The following SUCLG2 variants were observed in gnomAD, a reference collection of about 807,000 sequenced individuals.
SUCLG2 encodes succinate-CoA ligase GDP-forming subunit beta, also known as succinate--CoA ligase [GDP-forming] subunit beta, mitochondrial.
Under a neutral mutation model 47.9 loss-of-function variants are expected in SUCLG2, and 42 were observed. That is an observed-to-expected ratio of 0.88 (90% CI 0.69 to 1.14). The LOEUF is 1.14. SUCLG2 is among the 50% of genes most tolerant of loss of function. The pLI, the probability that SUCLG2 is intolerant of heterozygous loss-of-function variation, is 0.00. For missense variants in SUCLG2, 571 were observed against 525.9 expected, an observed-to-expected ratio of 1.09 and a Z score of -0.84; for synonymous variants, 195 against 197.3, an observed-to-expected ratio of 0.99 and a Z score of 0.10.
intron 2 of SUCLG2, among the ~76,000 whole-genome samples, chr3:67,606,619 C>T (rs1481778006): frequency 6.6e-6 from 1 of 152,186 alleles, no homozygotes; most frequent in African/African-American, 2.4e-5. Context: ...TATCAAAGTT[C>T]ACTGAGGAGC....
Position 67,542,759 on chromosome 3 carries a change from A to G in SUCLG2, c.227-13573T>C, listed in dbSNP as rs139677964. 4.2e-3 allele frequency among the ~76,000 whole-genome samples: 647 copies of G among 152,330 alleles called. 5 individuals are homozygous for G. The highest frequency in any genetic ancestry group is 0.014 in the African/African-American group (583 of 41,572). On this transcript the variant is annotated intron_variant, in intron 2 of 10. Coordinates refer to ENST00000307227, the MANE Select transcript of SUCLG2 (RefSeq NM_003848.4). ...ACATAATGATAAAGGGACCAATGCAACAAGAAGAGCTAACCATCCTCAATA... is the reference window on the plus strand; with the variant it reads ...ACATAATGATAAAGGGACCAATGCAGCAAGAAGAGCTAACCATCCTCAATA...
At chr3:67,483,809 C>T (rs528610802) in intron 9 of SUCLG2, among the ~76,000 whole-genome samples, 2 of 152,198 alleles carry the variant, frequency 1.3e-5, no homozygotes, top group South Asian at 4.2e-4. Context: ...TGGAGAACAC[C>T]CCCCTACCTA....
chr3:67,367,370 G>A (rs1337536706), intron 10 of SUCLG2, among the ~76,000 whole-genome samples: 2 of 152,078 alleles, frequency 1.3e-5, no homozygotes, highest in Non-Finnish European at 2.9e-5. Flanking sequence ...TTGTAAATTA[G>A]TTCAAGATCT....
At chr3:67,572,083 T>C (rs184438118) in intron 2 of SUCLG2, among the ~76,000 whole-genome samples, 2 of 152,356 alleles carry the variant, frequency 1.3e-5, no homozygotes, top group East Asian at 3.9e-4. Context: ...CTCCTTCCTT[T>C]ATGATCATCT....
intron 6 of SUCLG2, among the ~76,000 whole-genome samples, chr3:67,513,656 C>A (rs555894276): frequency 1.6e-3 from 248 of 152,304 alleles, no homozygotes; most frequent in African/African-American, 5.5e-3. Context: ...AAAATAAGCA[C>A]AGGTCAAAGA....
intron 2 of SUCLG2, among the ~76,000 whole-genome samples, chr3:67,573,776 C>T (rs1172989178): frequency 2.0e-5 from 3 of 152,066 alleles, no homozygotes; most frequent in Admixed American, 6.5e-5. Flanking sequence ...CCTTGTTTCC[C>T]CCTTTTTTTT....
At chr3:67,483,065 A>T (rs1704958371) in intron 9 of SUCLG2, among the ~76,000 whole-genome samples, 1 of 152,178 alleles carries the variant, frequency 6.6e-6, no homozygotes. Context: ...GTGTGTTTGC[A>T]GTGCTCCATT....
At chr3:67,439,775 G>GAATCAATATCGTCAAAATGGCC (rs1305112940) in intron 9 of SUCLG2, among the ~76,000 whole-genome samples, 2 of 152,164 alleles carry the variant, frequency 1.3e-5, no homozygotes, top group Non-Finnish European at 2.9e-5. Context: ...TGAATAGGAA[G>GAATCAATATCGTCAAAATGGCC]AATCAATATC....
intron 1 of SUCLG2, among the ~76,000 whole-genome samples, chr3:67,644,197 A>G (rs1701152447): frequency 6.6e-6 from 1 of 152,220 alleles, no homozygotes; most frequent in African/African-American, 2.4e-5. Flanking sequence ...TCATAGCAGC[A>G]TTATTCACAT....
rs191719782 is a variant in SUCLG2, at chr3:67,429,867, T to A, written c.1063-29016A>T. Among the ~76,000 whole-genome samples, 174 of 152,216 alleles carry A rather than the reference T, an allele frequency of 1.1e-3. 1 individual carries two copies. The highest frequency in any genetic ancestry group is 1.9e-3 in the Non-Finnish European group (130 of 68,016). On this transcript the variant is annotated intron_variant, in intron 9 of 10. Coordinates refer to ENST00000307227, the MANE Select transcript of SUCLG2 (RefSeq NM_003848.4). The stretch of plus-strand genomic sequence containing the variant: ...AGAGACAAAGAAGGCCATTATATAA[T>A]GGTAAAGGGATCAATTCAACAAGAA...
chr3:67,370,143 C>A (rs916515252), downstream of SUCLG2, among the ~76,000 whole-genome samples: 1 of 152,026 alleles, frequency 6.6e-6, no homozygotes, highest in Non-Finnish European at 1.5e-5. Flanking sequence ...TGGGTCCATA[C>A]AAATTATGTA....
intron 9 of SUCLG2, among the ~76,000 whole-genome samples, chr3:67,456,186 G>C (rs1704181588): frequency 6.6e-6 from 1 of 152,086 alleles, no homozygotes; most frequent in Non-Finnish European, 1.5e-5. Flanking sequence ...GATTCAGCCT[G>C]GCCTTCCTCC....
chr3:67,631,772 G>A (rs1448304141), intron 1 of SUCLG2, among the ~76,000 whole-genome samples: 1 of 152,214 alleles, frequency 6.6e-6, no homozygotes, highest in Non-Finnish European at 1.5e-5. Context: ...ATGAGACTAT[G>A]ATGGTCTCAA....
chr3:67,379,199 G>T (rs912368683), intron 10 of SUCLG2, among the ~76,000 whole-genome samples: 1 of 151,996 alleles, frequency 6.6e-6, no homozygotes, highest in African/African-American at 2.4e-5. Context: ...CACTTGCCTC[G>T]GCCTCCCAAA....
intron 2 of SUCLG2, among the ~76,000 whole-genome samples, chr3:67,582,007 T>G (rs1707892017): frequency 6.6e-6 from 1 of 152,202 alleles, no homozygotes; most frequent in Non-Finnish European, 1.5e-5. Context: ...CTCTGTTTAG[T>G]TCTCAGGTTA....
intron 5 of SUCLG2, 137 bp from the exon 6 acceptor site, chr3:67,518,473 C>A: frequency 4.0e-6 from 3 of 749,978 alleles, no homozygotes; most frequent in Non-Finnish European, 6.2e-6. Flanking sequence ...CTGAGCAGGG[C>A]TACCGCAGAT....
At chr3:67,384,145 G>T (rs1702214059) in intron 10 of SUCLG2, among the ~76,000 whole-genome samples, 1 of 152,196 alleles carries the variant, frequency 6.6e-6, no homozygotes, top group Non-Finnish European at 1.5e-5. Context: ...CTTACGTGGG[G>T]AAATGACTGA....
intron 9 of SUCLG2, among the ~76,000 whole-genome samples, chr3:67,414,650 A>T (rs910256511): frequency 6.6e-6 from 1 of 152,100 alleles, no homozygotes; most frequent in South Asian, 2.1e-4. Context: ...AAAATTCTGG[A>T]TTTTTAAAAA....
chr3:67,369,649 C>G (rs1336231288), intron 10 of SUCLG2, among the ~76,000 whole-genome samples: 2 of 152,202 alleles, frequency 1.3e-5, no homozygotes, highest in Non-Finnish European at 2.9e-5. Flanking sequence ...ACCATGCTGT[C>G]TCCTCTGTGA....
Sources: gnomAD v4.1 joint callset for allele counts (sites outside exome capture counted in the v4.1 genomes callset) on GRCh38, gnomAD v4.1.1 for gene constraint, MANE v1.5 for transcripts, NCBI Gene and HGNC (gene_info 2026-07-23, HGNC 2026-07-21) for gene names.